The following CABP4 variants were observed in gnomAD, a reference collection of about 807,000 sequenced individuals.
CABP4 encodes calcium-binding protein 4.
CABP4 carries 30 observed loss-of-function variants against 30.7 expected under a neutral mutation model. The ratio of observed to expected loss-of-function variants is 0.98; its 90% CI spans 0.73 to 1.33. The LOEUF is 1.33. Ranked by LOEUF, CABP4 falls within the 40% of genes most tolerant of loss-of-function variation. The pLI is 0.00. For synonymous variants in CABP4, 161 were observed against 159.2 expected (o/e 1.01, Z -0.08); for missense variants, 424 against 395.5 (o/e 1.07, Z -0.61).
chr11:67,460,339 G>A lies in CABP4; in HGVS notation c.*1680G>A, dbSNP rs1447231185. Reference sequence around the variant, plus strand: ...GCCAGGCGTGGTGGTGCTTGCATCTGTGGTCCCAGGTATTCTACAGGCTGA... The same window carrying A: ...GCCAGGCGTGGTGGTGCTTGCATCTATGGTCCCAGGTATTCTACAGGCTGA... On this transcript the variant is annotated 3_prime_UTR_variant, in exon 6 of 6. Transcript: ENST00000325656. 2 of 152,036 alleles carry A rather than the reference G, an allele frequency of 1.3e-5. No homozygotes were observed. Among genetic ancestry groups the A allele is most frequent in the African/African-American group, 2.4e-5 (1 of 41,360 alleles). 9.4% of individuals were successfully genotyped at this position (152,036 alleles called of 1,614,324 possible).
upstream of CABP4, chr11:67,455,295 C>T (rs1329414231): frequency 3.0e-6 from 4 of 1,327,982 alleles, no homozygotes; most frequent in Admixed American, 2.8e-5. Flanking sequence ...CTCACTTACC[C>T]TAATCCCCCT....
chr11:67,459,059 A>G lies in CABP4; in HGVS notation c.*400A>G. 4.0e-6 allele frequency: 1 copy of G among 252,976 alleles called. No individual in the cohort carries two copies. The highest frequency in any genetic ancestry group is 4.8e-5 in the South Asian group (1 of 20,732). 15.7% of individuals were successfully genotyped at this position (252,976 alleles called of 1,614,324 possible). A position where few individuals can be genotyped will look rare whatever the true frequency, so the allele number is the denominator to read the frequency against. On this transcript the variant is annotated 3_prime_UTR_variant, in exon 6 of 6. Transcript: ENST00000325656. ...TTATAATTTTTTTTTTTTTTAATGAACTTGAGCCGGGTGCAGTGGCTCACA... is the reference window on the plus strand; with the variant it reads ...TTATAATTTTTTTTTTTTTTAATGAGCTTGAGCCGGGTGCAGTGGCTCACA...
In CABP4 at chr11:67,459,447, C is replaced by G. The variant is rs1864943778; in HGVS notation, c.*788C>G. On this transcript the variant is annotated 3_prime_UTR_variant, in exon 6 of 6. Coordinates refer to ENST00000325656, the MANE Select transcript of CABP4 (RefSeq NM_145200.5). ...AAACCCCCCGGATATATTCCAGGGT[C>G]TCCAAAGGCTAAGATATTAATCTGT... is the stretch of plus-strand genomic sequence containing the variant. 1 of 152,548 alleles carries G rather than the reference C, an allele frequency of 6.6e-6. No homozygotes were observed. Among genetic ancestry groups the G allele is most frequent in the Non-Finnish European group, 1.5e-5 (1 of 68,386 alleles). The allele number at this position is 152,548 out of a possible 1,614,324, so 9.4% of individuals were successfully genotyped here. A position where few individuals can be genotyped will look rare whatever the true frequency, so the allele number is the denominator to read the frequency against.
intron 1 of CABP4, 168 bp downstream of exon 1, chr11:67,455,957 C>T: frequency 8.8e-7 from 1 of 1,134,238 alleles, no homozygotes; most frequent in Non-Finnish European, 1.2e-6. Context: ...AGGTCTCGGG[C>T]CAGCGTGGGC....
chr11:67,458,615 C>T lies in CABP4; in HGVS notation c.800-16C>T. ...CTGACGTGGACTGACCCAAGCCCTG[C>T]CCTTCTCTCCCGCAGAGTTTGTGAT... On this transcript the variant is annotated splice_polypyrimidine_tract_variant and intron_variant, in intron 5 of 5. Transcript: ENST00000325656. 1 of 1,614,112 alleles carries T rather than the reference C, an allele frequency of 6.2e-7. No individual in the cohort carries two copies. Among genetic ancestry groups the T allele is most frequent in the Non-Finnish European group, 8.5e-7 (1 of 1,180,022 alleles).
At chr11:67,458,567 G>C in intron 5 of CABP4, 49 bp downstream of exon 5, 1 of 1,614,136 alleles carries the variant, frequency 6.2e-7, no homozygotes, top group Non-Finnish European at 8.5e-7. Flanking sequence ...GGCCTAGGCT[G>C]AGCCCAGCAC....
chr11:67,460,659 A>G lies in CABP4; in HGVS notation c.*2000A>G, dbSNP rs927120262. ...ACTTATAATGTAACACTGAGAGACAAAAGGATGGAAAATATTACAGGGTAG... is the reference window on the plus strand; with the variant it reads ...ACTTATAATGTAACACTGAGAGACAGAAGGATGGAAAATATTACAGGGTAG... On this transcript the variant is annotated 3_prime_UTR_variant, in exon 6 of 6. Coordinates refer to ENST00000325656, the MANE Select transcript of CABP4 (RefSeq NM_145200.5). Among the ~76,000 whole-genome samples, 12 of 152,192 alleles carry G rather than the reference A, an allele frequency of 7.9e-5. No individual in the cohort carries two copies. The highest frequency in any genetic ancestry group is 1.5e-4 in the Non-Finnish European group (10 of 67,992).
upstream of CABP4, among the ~76,000 whole-genome samples, chr11:67,454,043 C>G (rs1485187150): frequency 6.6e-6 from 1 of 152,170 alleles, no homozygotes; most frequent in Non-Finnish European, 1.5e-5. Context: ...CATCTTCCAC[C>G]CCACCGCGGC....
In CABP4 at chr11:67,456,172, G is replaced by A. The variant is rs765747115; in HGVS notation, c.367-16G>A. 32 of 1,613,184 alleles carry A rather than the reference G, an allele frequency of 2.0e-5. No homozygotes were observed. The highest frequency in any genetic ancestry group is 1.6e-4 in the Middle Eastern group (1 of 6,062). ...CGTGGCTGGCCCTGGGGACATCCTG[G>A]ACTCTCCCCCTGCAGGACCGCGAAC... On this transcript the variant is annotated splice_polypyrimidine_tract_variant and intron_variant, in intron 1 of 5. Transcript: ENST00000325656.
At position 67,456,981 on chromosome 11, in the gene CABP4, A is replaced by G. The variant is rs1369898020; in HGVS notation, c.541+539A>G. 3.9e-5 allele frequency among the ~76,000 whole-genome samples: 6 copies of G among 152,292 alleles called. No individual in the cohort carries two copies. The East Asian group carries it at 1.2e-3, about 29-fold the overall frequency. On this transcript the variant is annotated intron_variant, in intron 3 of 5. Coordinates refer to ENST00000325656, the MANE Select transcript of CABP4 (RefSeq NM_145200.5). ...TGGTTTGTCCTCAGACAAATCTCAT[A>G]TTCACTTCATTCCAGGACTCCTGCA...
In CABP4 at chr11:67,457,639, C is replaced by T. The variant is rs140655456; in HGVS notation, c.608C>T (p.Ala203Val). The T allele has an allele frequency of 2.2e-5, 35 of 1,604,654 alleles. No homozygotes were observed. Among genetic ancestry groups the T allele is most frequent in the Non-Finnish European group, 2.5e-5 (29 of 1,175,878 alleles). Residue 203 changes from alanine to valine, a missense_variant, in exon 4 of 6, where the codon GCG becomes GTG. Ala to Val is a moderately conservative substitution (Grantham distance 64). Transcript: ENST00000325656. ...LIGPKLREET[A>V]HMLGVRELRI... ...GGCCCAAAGCTGAGGGAGGAGACGGCGCACATGCTGGGGGTGCGAGAGCTG... is the reference window on the plus strand; with the variant it reads ...GGCCCAAAGCTGAGGGAGGAGACGGTGCACATGCTGGGGGTGCGAGAGCTG...
chr11:67,454,589 T>A (rs1368259923), upstream of CABP4, among the ~76,000 whole-genome samples: 1 of 152,192 alleles, frequency 6.6e-6, no homozygotes, highest in East Asian at 1.9e-4. Flanking sequence ...GCCTGCTTTG[T>A]GGCACCCGGC....
At position 67,460,465 on chromosome 11, in the gene CABP4, G is replaced by T. The variant is rs916315686; in HGVS notation, c.*1806G>T. Among the ~76,000 whole-genome samples the T allele has an allele frequency of 6.9e-6, 1 of 145,926 alleles. No individual in the cohort carries two copies. Among genetic ancestry groups the T allele is most frequent in the South Asian group, 2.1e-4 (1 of 4,658 alleles). ...TAACAGAGTGAGAATCCGTCAAAAA[G>T]AAAAAAACAAACCATGGCTTCTGTT... On this transcript the variant is annotated 3_prime_UTR_variant, in exon 6 of 6. Coordinates refer to ENST00000325656, the MANE Select transcript of CABP4 (RefSeq NM_145200.5).
chr11:67,456,124 TGAA>T (rs758542039), intron 1 of CABP4, 61 bp from the exon 2 acceptor site: 36 of 1,612,522 alleles, frequency 2.2e-5, no homozygotes, highest in Middle Eastern at 1.6e-4. Flanking sequence ...GAGCAGGGGA[TGAA>T]GGAGGAAGGA....
chr11:67,457,576 G>A lies in CABP4; in HGVS notation c.545G>A (p.Gly182Asp), dbSNP rs1864859529. 1.9e-6 allele frequency: 3 copies of A among 1,581,800 alleles called. No homozygotes were observed. The highest frequency in any genetic ancestry group is 2.7e-5 in the African/African-American group (2 of 74,438). ...GACACTCTTCCTGGGTCTGCAGTGG[G>A]CGGCCGTGTGGACTTTGAGGAGTTT... ...EVSQHIKMRM[G>D]GRVDFEEFVE... The change falls in exon 4 of 6, where the codon GGC (glycine) becomes GAC (aspartate). Residue 182 changes from glycine to aspartate, a missense_variant. Transcript: ENST00000325656.
At chr11:67,453,001 ACTTTT>A (rs1864619389), upstream of CABP4, 4 of 345,056 alleles carry the variant, frequency 1.2e-5, no homozygotes, top group Admixed American at 5.2e-5. Context: ...CTCAACCCAG[ACTTTT>A]CTTTTCTTTT....
chr11:67,456,556 G>C, intron 3 of CABP4, 114 bp downstream of exon 3: 1 of 1,362,748 alleles, frequency 7.3e-7, no homozygotes, highest in South Asian at 1.2e-5. Flanking sequence ...GTGAGGGAGG[G>C]TGGCGGTTTC....
Position 67,455,618 on chromosome 11 carries a change from G to A in CABP4, c.195G>A (p.Glu65=). 1 of 1,608,162 alleles carries A rather than the reference G, an allele frequency of 6.2e-7. No homozygotes were observed. Among genetic ancestry groups the A allele is most frequent in the Middle Eastern group, 1.7e-4 (1 of 6,056 alleles). ...TGSSGEQTGP[E]APGSSNNPPS... ...GCTCTGGGGAGCAGACAGGCCCCGAGGCCCCGGGGAGCAGCAATAACCCTC... is the reference window on the plus strand; with the variant it reads ...GCTCTGGGGAGCAGACAGGCCCCGAAGCCCCGGGGAGCAGCAATAACCCTC... Residue 65 remains glutamate, a synonymous_variant, in exon 1 of 6, where the codon GAG becomes GAA. Coordinates refer to ENST00000325656, the MANE Select transcript of CABP4 (RefSeq NM_145200.5).
chr11:67,455,548 G>A lies in CABP4; in HGVS notation c.125G>A (p.Ser42Asn). Residue 42 changes from serine to asparagine, a missense_variant, in exon 1 of 6, where the codon AGC becomes AAC. Ser to Asn is a conservative substitution (Grantham distance 46). Transcript: ENST00000325656. ...GAGCCCCCGTTGACCAGGAAGAGGA[G>A]CAAGAAGGAGAGGGGGCTCCGAGGG... is the stretch of plus-strand genomic sequence containing the variant. The part of the protein sequence containing the change: ...AEEPPLTRKR[S>N]KKERGLRGSR... 1 of 1,603,064 alleles carries A rather than the reference G, an allele frequency of 6.2e-7. No individual in the cohort carries two copies. Among genetic ancestry groups the A allele is most frequent in the South Asian group, 1.1e-5 (1 of 89,392 alleles).
Sources: gnomAD v4.1 joint callset for allele counts (sites outside exome capture counted in the v4.1 genomes callset) on GRCh38, gnomAD v4.1.1 for gene constraint, MANE v1.5 for transcripts, NCBI Gene and HGNC (gene_info 2026-07-23, HGNC 2026-07-21) for gene names.